Variants in TMED4 observed in about 807,000 individuals in gnomAD.
The protein encoded by TMED4 is transmembrane p24 trafficking protein 4, also known as transmembrane emp24 domain-containing protein 4.
TMED4 carries 19 observed loss-of-function variants against 26.5 expected under a neutral mutation model. The observed-to-expected ratio is 0.72, with a 90% CI of 0.50 to 1.05. The LOEUF is 1.05. TMED4 is among the 50% of genes least tolerant of loss of function. The pLI, the probability that TMED4 is intolerant of heterozygous loss-of-function variation, is 0.00. For synonymous variants in TMED4, 121 were observed against 119.8 expected, an observed-to-expected ratio of 1.01 and a Z score of -0.07; for missense variants, 303 against 302.5, an observed-to-expected ratio of 1.00 and a Z score of -0.01.
rs1802859909 is a variant in TMED4 at position 44,577,899 on chromosome 7, T to C, written c.*1580A>G. ...AAATAACAAAAGGAGAAGAATTTAG[T>C]TCTGTAGGTCAGATAATTTAATAAA... On this transcript the variant is annotated 3_prime_UTR_variant, in exon 5 of 5. Transcript: ENST00000457408. The C allele has an allele frequency of 6.6e-6, 1 of 151,820 alleles. No homozygotes were observed. The highest frequency in any genetic ancestry group is 2.1e-4 in the South Asian group (1 of 4,834). 9.4% of individuals were successfully genotyped at this position (151,820 alleles called of 1,614,324 possible). A position where few individuals can be genotyped will look rare whatever the true frequency, so the allele number is the denominator to read the frequency against.
In TMED4 at chr7:44,578,805, G is replaced by A. The variant is rs944440715; in HGVS notation, c.*674C>T. ...CATTTGAACCCGGGAGGCAGATGTTGCCAGTGAGCTGAGATCACGCCATTG... is the reference window on the plus strand; with the variant it reads ...CATTTGAACCCGGGAGGCAGATGTTACCAGTGAGCTGAGATCACGCCATTG... On this transcript the variant is annotated 3_prime_UTR_variant, in exon 5 of 5. Coordinates refer to ENST00000457408, the MANE Select transcript of TMED4 (RefSeq NM_182547.4). 2.9e-5 allele frequency: 4 copies of A among 136,596 alleles called. No individual in the cohort carries two copies. Among genetic ancestry groups the A allele is most frequent in the Non-Finnish European group, 6.1e-5 (4 of 66,010 alleles). The allele number at this position is 136,596 out of a possible 1,614,324, so 8.5% of individuals were successfully genotyped here. A position where few individuals can be genotyped will look rare whatever the true frequency, so the allele number is the denominator to read the frequency against.
At position 44,579,727 on chromosome 7, in the gene TMED4, C is replaced by G. The variant is rs146153592; in HGVS notation, c.535-99G>C. The G allele has an allele frequency of 2.3e-5, 30 of 1,310,634 alleles. No homozygotes were observed. In the African/African-American group the frequency reaches 4.4e-4, roughly 19 times the overall value. The allele number at this position is 1,310,634 out of a possible 1,614,324, so 81.2% of individuals were successfully genotyped here. ...ATTACTCAACTCCAGGACCAAACTC[C>G]TTTTGGAATACTATCTGTGACTCCA... On this transcript the variant is annotated intron_variant, in intron 4 of 4. Coordinates refer to ENST00000457408, the MANE Select transcript of TMED4 (RefSeq NM_182547.4).
At chr7:44,579,717 G>A in intron 4 of TMED4, 89 bp from the exon 5 acceptor site, 2 of 1,397,944 alleles carry the variant, frequency 1.4e-6, no homozygotes, top group Admixed American at 1.9e-5. Flanking sequence ...TCAACTCCAG[G>A]ACCAAACTCC....
At position 44,580,851 on chromosome 7, in the gene TMED4, G is replaced by A. The variant is rs947970098; in HGVS notation, c.534+242C>T. On this transcript the variant is annotated intron_variant, in intron 4 of 4. Coordinates refer to ENST00000457408, the MANE Select transcript of TMED4 (RefSeq NM_182547.4). ...AATCCCAGCTACTCAGGAGGCTGAG[G>A]CAGGAGAATCGCTTGAACCTGGGGA... The A allele has an allele frequency of 1.8e-4, 73 of 413,806 alleles. 1 individual carries two copies. The highest frequency in any genetic ancestry group is 1.7e-3 in the South Asian group (68 of 40,220). 25.6% of individuals were successfully genotyped at this position (413,806 alleles called of 1,614,324 possible).
rs756729831 is a variant in TMED4, at chr7:44,581,479, G to A, written c.357C>T (p.Thr119=). 3 of 1,614,250 alleles carry A rather than the reference G, an allele frequency of 1.9e-6. No individual in the cohort carries two copies. In the South Asian group the frequency reaches 3.3e-5, roughly 18 times the overall value. ...TGCCACCAGCGAAGAGAGCCATCCT[G>A]GTAGAATTGGAGTGCAGACAGATTT... ...DHQICLHSNS[T]RMALFAGGKL... is the part of the protein sequence containing the mutation. Residue 119 remains threonine, a synonymous_variant, in exon 3 of 5, where the codon ACC becomes ACT. Coordinates refer to ENST00000457408, the MANE Select transcript of TMED4 (RefSeq NM_182547.4).
chr7:44,581,518 C>T lies in TMED4; in HGVS notation c.318G>A (p.Thr106=), dbSNP rs149857727. The change falls in exon 3 of 5, where the codon ACG becomes ACA. Residue 106 remains threonine, a synonymous_variant. Transcript: ENST00000457408. ...GCAGACAGATTTGATGGTCACCGGG[C>T]GTGTGGGAGGTGAACGTGAAGCGGC... ...SEGRFTFTSH[T]PGDHQICLHS... is the part of the protein sequence containing the mutation. 3 of 1,614,182 alleles carry T rather than the reference C, an allele frequency of 1.9e-6. No homozygotes were observed. The highest frequency in any genetic ancestry group is 2.5e-6 in the Non-Finnish European group (3 of 1,180,040).
In TMED4 at chr7:44,581,100, T is replaced by C. The variant is rs1802970998; in HGVS notation, c.527A>G (p.Tyr176Cys). 2 of 1,614,196 alleles carry C rather than the reference T, an allele frequency of 1.2e-6. No homozygotes were observed. Among genetic ancestry groups the C allele is most frequent in the South Asian group, 2.2e-5 (2 of 91,092 alleles). ...AAGGAGATATGCACTTGCCCTTTGG[T>C]AATCCTGCTCCTTCTGAATCTGTTC... is the stretch of plus-strand genomic sequence containing the variant. ...QVEQIQKEQD[Y>C]QRYREERFRL... The change falls in exon 4 of 5, where the codon TAC becomes TGC. Residue 176 changes from tyrosine to cysteine, a missense_variant. Coordinates refer to ENST00000457408, the MANE Select transcript of TMED4 (RefSeq NM_182547.4).
Position 44,578,262 on chromosome 7 carries a change from A to C in TMED4, c.*1217T>G, listed in dbSNP as rs1033724019. On this transcript the variant is annotated 3_prime_UTR_variant, in exon 5 of 5. Transcript: ENST00000457408. ...CCAGGCACCTTTCCTCTTTTCCTTT[A>C]GGTGCCTCCCCTCTACCCACAACCT... 6.6e-6 allele frequency: 1 copy of C among 152,192 alleles called. No homozygotes were observed. The highest frequency in any genetic ancestry group is 6.5e-5 in the Admixed American group (1 of 15,280). 9.4% of individuals were successfully genotyped at this position (152,192 alleles called of 1,614,324 possible). A position where few individuals can be genotyped will look rare whatever the true frequency, so the allele number is the denominator to read the frequency against.
chr7:44,581,886 C>G, intron 1 of TMED4, 63 bp from the exon 2 acceptor site: 2 of 1,589,702 alleles, frequency 1.3e-6, no homozygotes, highest in Non-Finnish European at 8.6e-7. Context: ...CGGCCCCCTC[C>G]GACGTGCGGC....
chr7:44,579,648 G>T lies in TMED4; in HGVS notation c.535-20C>A. ...ACGATACTGTGTGGGGCAACACAGG[G>T]TTAAGTGAGCAGGAGAAACAGTCTG... On this transcript the variant is annotated intron_variant, in intron 4 of 4. Coordinates refer to ENST00000457408, the MANE Select transcript of TMED4 (RefSeq NM_182547.4). 6.2e-7 allele frequency: 1 copy of T among 1,604,864 alleles called. No individual in the cohort carries two copies. The highest frequency in any genetic ancestry group is 8.5e-7 in the Non-Finnish European group (1 of 1,172,810).
At position 44,579,313 on chromosome 7, in the gene TMED4, TAAG is replaced by T; in HGVS notation, c.*163_*165del. 1.5e-6 allele frequency: 1 copy of T among 660,536 alleles called. No homozygotes were observed. Among genetic ancestry groups the T allele is most frequent in the Non-Finnish European group, 2.5e-6 (1 of 406,904 alleles). 40.9% of individuals were successfully genotyped at this position (660,536 alleles called of 1,614,324 possible). ...AGATTGGACTAATGTCATGTGTCCT[TAAG>T]AACCAGGGTCAGCAAGTGGCTGATC... On this transcript the variant is annotated 3_prime_UTR_variant, in exon 5 of 5. Coordinates refer to ENST00000457408, the MANE Select transcript of TMED4 (RefSeq NM_182547.4).
Position 44,579,461 on chromosome 7 carries a change from G to C in TMED4, c.*18C>G. 6.2e-7 allele frequency: 1 copy of C among 1,607,890 alleles called. No homozygotes were observed. Among genetic ancestry groups the C allele is most frequent in the Non-Finnish European group, 8.5e-7 (1 of 1,175,562 alleles). On this transcript the variant is annotated 3_prime_UTR_variant, in exon 5 of 5. Coordinates refer to ENST00000457408, the MANE Select transcript of TMED4 (RefSeq NM_182547.4). ...CCAAATAAATGAGGTAAAAAGGAAG[G>C]GTCATACAAAGAGGGCACTACACCA...
intron 4 of TMED4, chr7:44,580,880 G>A (rs927635113): frequency 3.0e-5 from 15 of 503,030 alleles, no homozygotes; most frequent in Non-Finnish European, 4.2e-5. Flanking sequence ...CTGGGGAGGC[G>A]GAGGTTGCAG....
rs1365733184 is a variant in TMED4 at position 44,582,070 on chromosome 7, A to G, written c.137T>C (p.Ile46Thr). ...ETEKRCFIEE[I>T]PDETMVIGNY... ...ACCGATGACCATGGTCTCGTCGGGG[A>G]TTTCCTCGATGAAACAGCGCTTCTC... Residue 46 changes from isoleucine (I) to threonine (T), a missense_variant, in exon 1 of 5, where the codon ATC becomes ACC. Ile to Thr is a moderately conservative substitution (Grantham distance 89). Transcript: ENST00000457408. The G allele has an allele frequency of 6.4e-7, 1 of 1,567,264 alleles. No individual in the cohort carries two copies. The highest frequency in any genetic ancestry group is 8.6e-7 in the Non-Finnish European group (1 of 1,156,140).
At chr7:44,581,984 G>A in intron 1 of TMED4, 63 bp downstream of exon 1, 9 of 1,523,580 alleles carry the variant, frequency 5.9e-6, no homozygotes, top group South Asian at 2.4e-5. Context: ...GGCTCGGGAG[G>A]AGGGAGCGCC....
intron 1 of TMED4, 88 bp from the exon 2 acceptor site, chr7:44,581,911 A>C (rs1348859049): frequency 1.3e-6 from 2 of 1,576,232 alleles, no homozygotes; most frequent in African/African-American, 2.7e-5. Flanking sequence ...AGCTCTAGGC[A>C]GGGGGCCTGG....
chr7:44,578,828 T>A lies in TMED4; in HGVS notation c.*651A>T, dbSNP rs17404280. The A allele has an allele frequency of 7.5e-6, 1 of 134,134 alleles. No homozygotes were observed. 8.3% of individuals were successfully genotyped at this position (134,134 alleles called of 1,614,324 possible). On this transcript the variant is annotated 3_prime_UTR_variant, in exon 5 of 5. Coordinates refer to ENST00000457408, the MANE Select transcript of TMED4 (RefSeq NM_182547.4). ...TTGCCAGTGAGCTGAGATCACGCCA[T>A]TGCACTCCAGCCTGGGCGACAAGAG...
In TMED4 at chr7:44,579,204, A is replaced by C. The variant is rs1220845083; in HGVS notation, c.*275T>G. 1 of 294,338 alleles carries C rather than the reference A, an allele frequency of 3.4e-6. No individual in the cohort carries two copies. The highest frequency in any genetic ancestry group is 6.4e-6 in the Non-Finnish European group (1 of 155,912). The allele number at this position is 294,338 out of a possible 1,614,324, so 18.2% of individuals were successfully genotyped here. On this transcript the variant is annotated 3_prime_UTR_variant, in exon 5 of 5. Transcript: ENST00000457408. Reference sequence around the variant, plus strand: ...CATTTGCTTATTTAGTGAAAAACAGAGGAAAATCACTCGAGGCAAAAGAAG... The same window carrying C: ...CATTTGCTTATTTAGTGAAAAACAGCGGAAAATCACTCGAGGCAAAAGAAG...
chr7:44,580,381 G>A (rs1802945580), intron 4 of TMED4: 1 of 152,680 alleles, frequency 6.5e-6, no homozygotes, highest in African/African-American at 2.4e-5. Context: ...GGGAGGCTGA[G>A]GCAGGAGAAT....
Sources: allele counts gnomAD v4.1 joint callset, GRCh38; gene constraint gnomAD v4.1.1; transcripts MANE v1.5; gene names NCBI Gene and HGNC (gene_info 2026-07-23, HGNC 2026-07-21).